ME3: variants seen among roughly 807,000 people sequenced by gnomAD.
ME3 encodes the protein malic enzyme 3.
A neutral mutation model predicts 68.9 loss-of-function variants in ME3; 48 were observed. The observed-to-expected ratio is 0.70, with a 90% CI of 0.55 to 0.89. ME3 has a LOEUF of 0.89. Among genes scored for constraint, ME3 ranks in the 40% least tolerant of loss-of-function variants. The pLI, the probability that ME3 is intolerant of heterozygous loss-of-function variation, is 0.00. For synonymous variants in ME3, 320 were observed against 318.8 expected (o/e 1.00, Z -0.04); for missense variants, 675 against 797.4 (o/e 0.85, Z 1.85).
At chr11:86,599,738 C>G (rs1202687269) in intron 2 of ME3, among the ~76,000 whole-genome samples, 1 of 152,206 alleles carries the variant, frequency 6.6e-6, no homozygotes, top group Non-Finnish European at 1.5e-5. Context: ...GCCCATCAGA[C>G]TGACAGCGGA....
chr11:86,662,546 A>G (rs573312596), intron 2 of ME3, among the ~76,000 whole-genome samples: 3 of 152,254 alleles, frequency 2.0e-5, no homozygotes, highest in East Asian at 1.9e-4. Context: ...GCAGTGAACT[A>G]TGATTGTGCC....
intron 5 of ME3, among the ~76,000 whole-genome samples, chr11:86,506,648 C>A (rs1017067092): frequency 9.9e-5 from 15 of 152,204 alleles, no homozygotes; most frequent in African/African-American, 3.6e-4. Flanking sequence ...TGGAGAACCT[C>A]CTGGCACAGT....
intron 11 of ME3, among the ~76,000 whole-genome samples, chr11:86,447,855 CAAA>C (rs35352939): frequency 4.3e-4 from 52 of 120,774 alleles, no homozygotes; most frequent in African/African-American, 1.6e-3. Context: ...TAAACTCTGT[CAAA>C]AAAAAAAAAA....
chr11:86,663,890 G>A (rs1946433901), intron 2 of ME3, among the ~76,000 whole-genome samples: 1 of 152,198 alleles, frequency 6.6e-6, no homozygotes, highest in Non-Finnish European at 1.5e-5. Context: ...AGTTGGCCCA[G>A]GTCTGGGCAA....
chr11:86,528,635 A>C (rs1436239529), intron 4 of ME3, among the ~76,000 whole-genome samples: 2 of 152,156 alleles, frequency 1.3e-5, no homozygotes, highest in African/African-American at 2.4e-5. Flanking sequence ...ATGTAAAAGA[A>C]CAGAAATTAT....
chr11:86,611,527 A>G (rs1312436280), intron 2 of ME3, among the ~76,000 whole-genome samples: 1 of 149,568 alleles, frequency 6.7e-6, no homozygotes, highest in African/African-American at 2.5e-5. Flanking sequence ...GTATGTATAT[A>G]TATTATATAT....
exon 15 of ME3, chr11:86,441,231 G>C: frequency 7.0e-7 from 1 of 1,437,898 alleles, no homozygotes; most frequent in Admixed American, 2.4e-5. Context: ...TATATTGTGG[G>C]TGTTACTCTG....
rs137928723 is a variant in ME3 at position 86,523,315 on chromosome 11, G to A, written c.468-14448C>T. On this transcript the variant is annotated intron_variant, in intron 4 of 14. Coordinates refer to ENST00000543262, the Ensembl canonical transcript of ME3. Reference sequence around the variant, plus strand: ...GTCCTCATTTACACCTGAGATTAACGAAGCTCAATAAAATGAGGTAATATC... The same window carrying A: ...GTCCTCATTTACACCTGAGATTAACAAAGCTCAATAAAATGAGGTAATATC... Among the ~76,000 whole-genome samples the A allele has an allele frequency of 8.3e-4, 127 of 152,288 alleles. 1 individual carries two copies. Among genetic ancestry groups the A allele is most frequent in the African/African-American group, 2.9e-3 (120 of 41,558 alleles).
intron 4 of ME3, among the ~76,000 whole-genome samples, chr11:86,516,370 T>TC (rs1491570499): frequency 4.5e-5 from 3 of 65,966 alleles, no homozygotes; most frequent in Non-Finnish European, 7.6e-5. Flanking sequence ...TCTCTCTCTC[T>TC]TTGTGTGTGT....
At chr11:86,621,778 A>C (rs544294707) in intron 2 of ME3, among the ~76,000 whole-genome samples, 1 of 152,136 alleles carries the variant, frequency 6.6e-6, no homozygotes, top group South Asian at 2.1e-4. Flanking sequence ...TCGAGGTTGG[A>C]ATAATGGGGA....
intron 8 of ME3, chr11:86,462,786 A>G: frequency 2.3e-6 from 1 of 443,746 alleles, no homozygotes; most frequent in South Asian, 1.6e-5. Context: ...AAGTAAGAGA[A>G]CTGACAGAGG....
exon 2 of ME3, chr11:86,671,872 A>C: frequency 6.4e-7 from 1 of 1,565,378 alleles, no homozygotes; most frequent in African/African-American, 1.4e-5. Flanking sequence ...GTGGGTGTCC[A>C]GCGCGGGAGG....
At chr11:86,597,951 T>C (rs1447217459) in intron 2 of ME3, among the ~76,000 whole-genome samples, 1 of 151,768 alleles carries the variant, frequency 6.6e-6, no homozygotes, top group Non-Finnish European at 1.5e-5. Flanking sequence ...GTTGAAAGAG[T>C]TATCAGTAGG....
intron 2 of ME3, among the ~76,000 whole-genome samples, chr11:86,641,171 G>A (rs908831544): frequency 3.3e-5 from 5 of 152,050 alleles, no homozygotes; most frequent in Non-Finnish European, 7.4e-5. Flanking sequence ...CTGACCCCAA[G>A]TAGAAAAGGA....
At chr11:86,521,176 G>A (rs1954247503) in intron 4 of ME3, among the ~76,000 whole-genome samples, 1 of 152,160 alleles carries the variant, frequency 6.6e-6, no homozygotes, top group Non-Finnish European at 1.5e-5. Context: ...GATCACGCAC[G>A]AGGTCAGGAG....
intron 4 of ME3, among the ~76,000 whole-genome samples, chr11:86,538,659 C>T (rs755780751): frequency 6.6e-6 from 1 of 152,202 alleles, no homozygotes; most frequent in African/African-American, 2.4e-5. Flanking sequence ...TCATCAGGCT[C>T]TTCCCTCCTC....
At chr11:86,661,178 A>G (rs1175105826) in intron 2 of ME3, among the ~76,000 whole-genome samples, 2 of 152,250 alleles carry the variant, frequency 1.3e-5, no homozygotes, top group African/African-American at 4.8e-5. Flanking sequence ...GTGCTAATAA[A>G]TGTACACTAA....
At chr11:86,532,722 C>A (rs754221709) in intron 4 of ME3, among the ~76,000 whole-genome samples, 1 of 152,096 alleles carries the variant, frequency 6.6e-6, no homozygotes, top group Admixed American at 6.5e-5. Context: ...GCAACAAAAG[C>A]AATTCTAAGA....
At chr11:86,603,366 C>T in intron 2 of ME3, among the ~76,000 whole-genome samples, 1 of 152,170 alleles carries the variant, frequency 6.6e-6, no homozygotes, top group Non-Finnish European at 1.5e-5. Context: ...CATCACTAGC[C>T]ATCAGAGAAA....
Sources: gnomAD v4.1 joint callset for allele counts (sites outside exome capture counted in the v4.1 genomes callset) on GRCh38, gnomAD v4.1.1 for gene constraint, MANE v1.5 for transcripts, NCBI Gene and HGNC (gene_info 2026-07-23, HGNC 2026-07-21) for gene names.